FRMD4A: variants seen among roughly 807,000 people sequenced by gnomAD.
FRMD4A encodes FERM domain containing 4A.
In FRMD4A, 29 loss-of-function variants were observed where a neutral mutation model predicts 129.1. The observed-to-expected ratio is 0.22, with a 90% CI of 0.17 to 0.31. The LOEUF is 0.31. Among genes scored for constraint, FRMD4A ranks in the 10% least tolerant of loss-of-function variants. FRMD4A has a pLI of 1.00. For synonymous variants in FRMD4A, 634 were observed against 571.6 expected (o/e 1.11, Z -1.56); for missense variants, 1,272 against 1,375.8 (o/e 0.92, Z 1.19).
At chr10:13,815,407 T>TG (rs1236538067) in intron 3 of FRMD4A, among the ~76,000 whole-genome samples, 2 of 151,994 alleles carry the variant, frequency 1.3e-5, no homozygotes, top group South Asian at 4.1e-4. Context: ...TGGTGGCAGA[T>TG]GGGGGGTTAT....
Position 13,659,403 on chromosome 10 carries a change from G to C in FRMD4A, c.1986C>G (p.Leu662=). Residue 662 remains leucine (L), a synonymous_variant, in exon 21 of 25, where the codon CTC becomes CTG. Transcript: ENST00000357447. ...NSLQNSPIRG[L]PHWNSQSSMP... Reference sequence around the variant, plus strand: ...TGCTGGACTGGGAGTTCCAGTGCGGGAGGCCGCGGATGGGGCTGTTCTGCA... The same window carrying C: ...TGCTGGACTGGGAGTTCCAGTGCGGCAGGCCGCGGATGGGGCTGTTCTGCA... The C allele has an allele frequency of 1.2e-6, 2 of 1,614,108 alleles. No homozygotes were observed. Among genetic ancestry groups the C allele is most frequent in the Non-Finnish European group, 1.7e-6 (2 of 1,179,984 alleles).
intron 2 of FRMD4A, among the ~76,000 whole-genome samples, chr10:13,943,367 C>T (rs1280567466): frequency 4.0e-5 from 6 of 151,884 alleles, no homozygotes; most frequent in Admixed American, 6.6e-5. Context: ...AGACCCACAT[C>T]GGCCAGGTGC....
intron 2 of FRMD4A, among the ~76,000 whole-genome samples, chr10:14,313,729 T>C (rs1055700248): frequency 2.6e-5 from 4 of 152,246 alleles, no homozygotes; most frequent in African/African-American, 9.6e-5. Flanking sequence ...GAATGATGAC[T>C]ATATTTTCAA....
chr10:13,735,102 A>C (rs1219805912), intron 12 of FRMD4A, among the ~76,000 whole-genome samples: 2 of 152,160 alleles, frequency 1.3e-5, no homozygotes, highest in Non-Finnish European at 2.9e-5. Flanking sequence ...CGAACTCCTG[A>C]ACTCAAGTGA....
chr10:14,115,004 A>T (rs146571142), intron 2 of FRMD4A, among the ~76,000 whole-genome samples: 1 of 152,180 alleles, frequency 6.6e-6, no homozygotes, highest in South Asian at 2.1e-4. Flanking sequence ...ACACAGTGAC[A>T]TAAGACATGA....
chr10:14,065,379 T>C (rs1036681635), intron 2 of FRMD4A, among the ~76,000 whole-genome samples: 1 of 152,146 alleles, frequency 6.6e-6, no homozygotes, highest in Non-Finnish European at 1.5e-5. Context: ...GAGACAGGGT[T>C]TCACCATGTT....
chr10:14,060,329 C>G (rs969775949), intron 2 of FRMD4A, among the ~76,000 whole-genome samples: 1 of 152,170 alleles, frequency 6.6e-6, no homozygotes. Flanking sequence ...GGGAGGTTGG[C>G]TGGTGGGAAC....
intron 2 of FRMD4A, among the ~76,000 whole-genome samples, chr10:14,329,577 A>T (rs559040417): frequency 3.9e-5 from 6 of 152,194 alleles, no homozygotes; most frequent in Non-Finnish European, 5.9e-5. Context: ...CTGAAGCCAC[A>T]GTGAACCTCC....
chr10:14,193,111 A>G (rs1336583959), intron 2 of FRMD4A, among the ~76,000 whole-genome samples: 2 of 152,202 alleles, frequency 1.3e-5, no homozygotes, highest in Admixed American at 1.3e-4. Flanking sequence ...TTTTGTTTGA[A>G]TGGGATTTCT....
chr10:13,891,389 A>C (rs2094694428), intron 2 of FRMD4A, among the ~76,000 whole-genome samples: 2 of 152,150 alleles, frequency 1.3e-5, no homozygotes, highest in Admixed American at 1.3e-4. Flanking sequence ...TGAGGTGCCC[A>C]AGGAAAGTAG....
chr10:13,666,545 C>T (rs7907502), intron 17 of FRMD4A, among the ~76,000 whole-genome samples: 14,558 of 152,174 alleles, frequency 0.096, 1,387 homozygotes, highest in African/African-American at 0.24. Flanking sequence ...GTGAACGCTG[C>T]CGCCATCGCT....
intron 2 of FRMD4A, among the ~76,000 whole-genome samples, chr10:14,058,745 C>G (rs951326834): frequency 6.6e-6 from 1 of 152,110 alleles, no homozygotes; most frequent in South Asian, 2.1e-4. Context: ...TGGTGGAAGA[C>G]CATATGCCAC....
intron 2 of FRMD4A, among the ~76,000 whole-genome samples, chr10:14,187,682 G>A (rs948080148): frequency 1.6e-4 from 25 of 152,184 alleles, no homozygotes; most frequent in African/African-American, 5.3e-4. Context: ...TTGGGAGGCT[G>A]GGGTGGGAGG....
intron 2 of FRMD4A, among the ~76,000 whole-genome samples, chr10:13,872,427 G>C (rs7898791): frequency 0.48 from 72,391 of 152,172 alleles, 17,321 homozygotes; most frequent in African/African-American, 0.5. Flanking sequence ...CCATCCTGTG[G>C]CACCCGCACT....
chr10:13,994,091 C>A (rs1446276954), intron 2 of FRMD4A, among the ~76,000 whole-genome samples: 2 of 150,234 alleles, frequency 1.3e-5, no homozygotes, highest in Non-Finnish European at 2.9e-5. Context: ...CTCACTGCAA[C>A]CTTCACCTCC....
chr10:14,298,556 C>T (rs574642164), intron 2 of FRMD4A, among the ~76,000 whole-genome samples: 11 of 152,224 alleles, frequency 7.2e-5, no homozygotes, highest in East Asian at 3.9e-4. Context: ...AGAGAAGCTA[C>T]GAGTGTAGAT....
intron 2 of FRMD4A, among the ~76,000 whole-genome samples, chr10:14,079,112 T>C (rs1835779212): frequency 6.6e-6 from 1 of 152,180 alleles, no homozygotes; most frequent in East Asian, 1.9e-4. Context: ...CTGCTGTAGG[T>C]GCTTTTGTGG....
At chr10:13,863,696 T>C (rs200446396) in intron 2 of FRMD4A, among the ~76,000 whole-genome samples, 1 of 152,128 alleles carries the variant, frequency 6.6e-6, no homozygotes, top group East Asian at 1.9e-4. Context: ...TGCAACGCTT[T>C]AGGCTTCTGG....
intron 2 of FRMD4A, among the ~76,000 whole-genome samples, chr10:14,069,322 TC>T (rs1835209605): frequency 6.6e-6 from 1 of 152,198 alleles, no homozygotes; most frequent in African/African-American, 2.4e-5. Flanking sequence ...AATGACCATC[TC>T]TGTCAACACA....
Sources: allele counts gnomAD v4.1 joint callset (sites outside exome capture counted in the v4.1 genomes callset), GRCh38; gene constraint gnomAD v4.1.1; transcripts MANE v1.5; gene names NCBI Gene and HGNC (gene_info 2026-07-23, HGNC 2026-07-21).